Variants in FANCC observed in about 807,000 individuals in gnomAD.
FANCC encodes the protein Fanconi anemia group C protein.
FANCC carries 55 observed loss-of-function variants against 71.3 expected under a neutral mutation model. The observed-to-expected ratio is 0.77, with a 90% CI of 0.62 to 0.97. FANCC has a LOEUF of 0.97. Ranked by LOEUF, FANCC falls within the 50% of genes least tolerant of loss-of-function variation. The pLI is 0.00. For synonymous variants in FANCC, 275 were observed against 244.9 expected (o/e 1.12, Z -1.15); for missense variants, 678 against 670.9 (o/e 1.01, Z -0.12).
At chr9:95,201,089 A>G (rs931851921) in intron 4 of FANCC, among the ~76,000 whole-genome samples, 4 of 152,222 alleles carry the variant, frequency 2.6e-5, no homozygotes, top group African/African-American at 9.6e-5. Flanking sequence ...GTAAAAATAC[A>G]ATTAACAAAA....
chr9:95,314,235 A>G (rs1427591123), intron 1 of FANCC, among the ~76,000 whole-genome samples: 1 of 152,274 alleles, frequency 6.6e-6, no homozygotes, highest in Non-Finnish European at 1.5e-5. Flanking sequence ...GTTGCAAGAT[A>G]TAAGATTAAT....
chr9:95,232,185 A>G (rs1830050779), intron 4 of FANCC, among the ~76,000 whole-genome samples: 1 of 152,144 alleles, frequency 6.6e-6, no homozygotes, highest in African/African-American at 2.4e-5. Flanking sequence ...CTTTTCAACA[A>G]CTAGACCTCG....
intron 1 of FANCC, chr9:95,292,557 G>A (rs1834105139): frequency 1.3e-6 from 2 of 1,487,478 alleles, no homozygotes; most frequent in Admixed American, 1.8e-5. Flanking sequence ...GTAGGTGAGC[G>A]AGCTGTCCCA....
chr9:95,215,374 T>C (rs1828796731), intron 4 of FANCC, among the ~76,000 whole-genome samples: 1 of 149,422 alleles, frequency 6.7e-6, no homozygotes, highest in Non-Finnish European at 1.5e-5. Context: ...GAGAGGGAGA[T>C]GGAGAGAGGG....
intron 1 of FANCC, among the ~76,000 whole-genome samples, chr9:95,297,236 C>G (rs1186497612): frequency 3.3e-5 from 5 of 151,260 alleles, no homozygotes; most frequent in Non-Finnish European, 5.9e-5. Context: ...ATCAGGGATG[C>G]CTCCTTTCTC....
chr9:95,224,118 T>C (rs1829459050), intron 4 of FANCC, among the ~76,000 whole-genome samples: 1 of 152,220 alleles, frequency 6.6e-6, no homozygotes, highest in African/African-American at 2.4e-5. Flanking sequence ...ACATATAATA[T>C]GGCAGTTTGT....
intron 11 of FANCC, 92 bp from the exon 12 acceptor site, chr9:95,114,802 G>A: frequency 1.9e-6 from 2 of 1,066,466 alleles, no homozygotes; most frequent in Non-Finnish European, 2.9e-6. Flanking sequence ...GAGTCTTTGG[G>A]AGACGCCCTT....
intron 6 of FANCC, among the ~76,000 whole-genome samples, chr9:95,167,755 C>A (rs893166120): frequency 1.3e-4 from 20 of 152,084 alleles, no homozygotes; most frequent in African/African-American, 4.8e-4. Flanking sequence ...CTTGTAGTGC[C>A]TTGAGATCCC....
chr9:95,249,283 T>A lies in FANCC; in HGVS notation c.9A>T (p.Gln3His), dbSNP rs769585639. 32 of 1,613,970 alleles carry A rather than the reference T, an allele frequency of 2.0e-5. No individual in the cohort carries two copies. The highest frequency in any genetic ancestry group is 2.5e-5 in the Non-Finnish European group (30 of 1,180,000). MA[Q>H]DSVDLSCDYQ... ...AATCACAAGAAAGATCTACTGAATC[T>A]TGAGCCATCTTGGAAAAAGCGAAAA... is the stretch of plus-strand genomic sequence containing the variant. The change falls in exon 2 of 15, where the codon CAA becomes CAT. Residue 3 changes from glutamine (Q) to histidine (H), a missense_variant. Gln to His is a conservative substitution (Grantham distance 24). Transcript: ENST00000289081.
At chr9:95,183,465 T>C (rs750179529) in intron 4 of FANCC, among the ~76,000 whole-genome samples, 3 of 152,236 alleles carry the variant, frequency 2.0e-5, no homozygotes, top group African/African-American at 4.8e-5. Flanking sequence ...CTCTTACAGC[T>C]AGTGAAGAAC....
intron 1 of FANCC, among the ~76,000 whole-genome samples, chr9:95,289,870 G>C (rs1328772371): frequency 1.3e-5 from 2 of 151,962 alleles, no homozygotes; most frequent in Admixed American, 1.3e-4. Context: ...TGTTGCCCAG[G>C]CTGGTCTCAA....
At chr9:95,298,464 T>C (rs4647372) in intron 1 of FANCC, among the ~76,000 whole-genome samples, 34,377 of 152,084 alleles carry the variant, frequency 0.23, 5,047 homozygotes, top group Non-Finnish European at 0.33. Context: ...GCTGAAGACA[T>C]AGATGTAGAA....
At chr9:95,221,829 G>A (rs1171031371) in intron 4 of FANCC, among the ~76,000 whole-genome samples, 1 of 152,084 alleles carries the variant, frequency 6.6e-6, no homozygotes, top group Non-Finnish European at 1.5e-5. Context: ...ACATCCATGA[G>A]GACGACTAAG....
chr9:95,198,440 TG>T (rs1395414833), intron 4 of FANCC, among the ~76,000 whole-genome samples: 2 of 152,212 alleles, frequency 1.3e-5, no homozygotes, highest in Non-Finnish European at 2.9e-5. Flanking sequence ...ATACAAAATA[TG>T]TTTTGCATGT....
intron 10 of FANCC, 143 bp from the exon 11 acceptor site, chr9:95,117,533 G>A (rs2072523013): frequency 5.7e-6 from 4 of 704,906 alleles, no homozygotes; most frequent in Non-Finnish European, 1.0e-5. Flanking sequence ...TTTATTTTTT[G>A]AAAAATAAGC....
At chr9:95,293,585 A>G (rs1268369789) in intron 1 of FANCC, 1 of 1,614,206 alleles carries the variant, frequency 6.2e-7, no homozygotes, top group Non-Finnish European at 8.5e-7. Flanking sequence ...ACGTGCAGAC[A>G]GATCTGTCTT....
At chr9:95,205,833 A>G (rs374745771) in intron 4 of FANCC, among the ~76,000 whole-genome samples, 218 of 152,318 alleles carry the variant, frequency 1.4e-3, no homozygotes, top group Non-Finnish European at 2.3e-3. Flanking sequence ...TGAATGAGGA[A>G]GAAAAACTTT....
chr9:95,291,902 C>G (rs149553219), intron 1 of FANCC, among the ~76,000 whole-genome samples: 1 of 138,802 alleles, frequency 7.2e-6, no homozygotes, highest in East Asian at 2.1e-4. Flanking sequence ...GAGCCAAGAT[C>G]GCGCCACTCC....
rs1682243745 is a variant in FANCC at position 95,252,743 on chromosome 9, T to A, written c.-78-3374A>T. 1.3e-4 allele frequency among the ~76,000 whole-genome samples: 13 copies of A among 99,058 alleles called. No individual in the cohort carries two copies. In the South Asian group the frequency reaches 3.2e-3, roughly 25 times the overall value. 65.0% of individuals were successfully genotyped at this position (99,058 alleles called of 152,430 possible). ...CTGGGCAACAGAGCGAGACTCTGTC[T>A]CAAAAAAAAAAAAAAAAAAATGCAG... On this transcript the variant is annotated intron_variant, in intron 1 of 14. Coordinates refer to ENST00000289081, the MANE Select transcript of FANCC (RefSeq NM_000136.3).
Sources: allele counts gnomAD v4.1 joint callset (sites outside exome capture counted in the v4.1 genomes callset), GRCh38; gene constraint gnomAD v4.1.1; transcripts MANE v1.5; gene names NCBI Gene and HGNC (gene_info 2026-07-23, HGNC 2026-07-21).